PATJ: variants seen among roughly 807,000 people sequenced by gnomAD.
PATJ encodes PATJ crumbs cell polarity complex component.
In PATJ, 190 loss-of-function variants were observed where a neutral mutation model predicts 224.9. That is an observed-to-expected ratio of 0.84 (90% CI 0.75 to 0.95). The LOEUF is 0.95. PATJ is among the 40% of genes least tolerant of loss of function. The pLI is 0.00. For synonymous variants in PATJ, 769 were observed against 820.3 expected (o/e 0.94, Z 1.07); for missense variants, 2,121 against 2,270.3 (o/e 0.93, Z 1.34).
intron 8 of PATJ, among the ~76,000 whole-genome samples, chr1:61,790,481 T>A (rs1649564723): frequency 6.6e-6 from 1 of 151,228 alleles, no homozygotes; most frequent in African/African-American, 2.4e-5. Context: ...GGCTCTCTGC[T>A]TAGCTTCTTC....
chr1:61,774,018 G>C (rs1441366495), intron 6 of PATJ, among the ~76,000 whole-genome samples: 1 of 150,954 alleles, frequency 6.6e-6, no homozygotes, highest in Non-Finnish European at 1.5e-5. Context: ...TACTCGGGAG[G>C]CTGAGGCAGG....
At chr1:61,827,659 A>G in intron 16 of PATJ, 76 bp downstream of exon 16, 1 of 1,390,978 alleles carries the variant, frequency 7.2e-7, no homozygotes, top group Non-Finnish European at 9.7e-7. Context: ...TGCTGCAATA[A>G]GAAGGGAGGG....
At chr1:61,852,139 AAAG>A (rs1310984452) in intron 17 of PATJ, among the ~76,000 whole-genome samples, 1 of 151,410 alleles carries the variant, frequency 6.6e-6, no homozygotes, top group Non-Finnish European at 1.5e-5. Context: ...AAAAAAAAAA[AAAG>A]AGGTGTAGGG....
At chr1:61,807,623 C>G (rs1414736521) in intron 13 of PATJ, among the ~76,000 whole-genome samples, 2 of 152,176 alleles carry the variant, frequency 1.3e-5, no homozygotes, top group African/African-American at 2.4e-5. Flanking sequence ...GTTGTAGCAT[C>G]TTGTACCGAG....
intron 25 of PATJ, among the ~76,000 whole-genome samples, 156 bp from the exon 26 acceptor site, chr1:61,914,431 G>T (rs1211856126): frequency 2.6e-5 from 4 of 152,102 alleles, no homozygotes; most frequent in African/African-American, 9.7e-5. Flanking sequence ...ACTCCAGCCT[G>T]GGTGACAAGA....
At chr1:62,067,630 T>C (rs1032829901) in intron 31 of PATJ, among the ~76,000 whole-genome samples, 6 of 152,152 alleles carry the variant, frequency 3.9e-5, no homozygotes, top group Admixed American at 3.9e-4. Context: ...CTAGATCAAG[T>C]CAACTATGTC....
At chr1:61,777,007 G>C (rs966779951) in intron 7 of PATJ, among the ~76,000 whole-genome samples, 1 of 152,112 alleles carries the variant, frequency 6.6e-6, no homozygotes, top group African/African-American at 2.4e-5. Flanking sequence ...TTACAGGCGT[G>C]AGCCACCGCA....
chr1:61,810,879 G>A (rs1055773266), intron 14 of PATJ, among the ~76,000 whole-genome samples: 18 of 151,936 alleles, frequency 1.2e-4, no homozygotes, highest in Admixed American at 3.9e-4. Context: ...AGCTGAGATC[G>A]CGCCATTGCA....
intron 13 of PATJ, 58 bp from the exon 14 acceptor site, chr1:61,808,416 G>A (rs561224708): frequency 8.1e-6 from 8 of 989,428 alleles, no homozygotes; most frequent in Admixed American, 3.7e-5. Context: ...TTCAGAAAAT[G>A]TAGGAGGAAA....
chr1:62,104,834 G>T (rs1662697189), intron 33 of PATJ, among the ~76,000 whole-genome samples: 1 of 151,974 alleles, frequency 6.6e-6, no homozygotes. Context: ...ACCATGCCTG[G>T]CTAATTTTTG....
At chr1:61,801,327 C>T (rs1396762158) in intron 11 of PATJ, among the ~76,000 whole-genome samples, 2 of 152,118 alleles carry the variant, frequency 1.3e-5, no homozygotes, top group Non-Finnish European at 2.9e-5. Flanking sequence ...TCTCTGATGG[C>T]CAGTGATGGT....
chr1:62,124,980 A>G (rs1182290814), intron 39 of PATJ, among the ~76,000 whole-genome samples: 1 of 152,056 alleles, frequency 6.6e-6, no homozygotes, highest in Non-Finnish European at 1.5e-5. Context: ...TAATCCCAGC[A>G]TTGTGGGAGG....
intron 26 of PATJ, among the ~76,000 whole-genome samples, chr1:61,924,057 A>G (rs928305667): frequency 6.6e-6 from 1 of 151,696 alleles, no homozygotes; most frequent in Non-Finnish European, 1.5e-5. Context: ...CGTAGAGTGA[A>G]AGAATAGGCA....
Position 62,161,017 on chromosome 1 carries a change from A to G in PATJ, c.5612A>G (p.His1871Arg). ...GAGCAAGCAGTCGCCATTCTAAAAC[A>G]CCAGAGAGGGACTGTAACCTTAACT... Reference protein sequence around the residue: ...THEQAVAILKHQRGTVTLTVL... With the variant: ...THEQAVAILKRQRGTVTLTVL... Residue 1871 changes from histidine to arginine, a missense_variant, in exon 44 of 44, where the codon CAC becomes CGC. By Grantham distance (29) the His-to-Arg change is conservative. Coordinates refer to ENST00000642238, the MANE Select transcript of PATJ (RefSeq NM_001350145.3). 2 of 1,603,504 alleles carry G rather than the reference A, an allele frequency of 1.2e-6. No homozygotes were observed. Among genetic ancestry groups the G allele is most frequent in the Non-Finnish European group, 1.7e-6 (2 of 1,175,240 alleles).
intron 27 of PATJ, among the ~76,000 whole-genome samples, chr1:61,940,438 C>T (rs1482586132): frequency 6.6e-5 from 10 of 152,044 alleles, no homozygotes; most frequent in East Asian, 5.8e-4. Flanking sequence ...AAATTCTAGC[C>T]GGGCGCAGTG....
chr1:61,764,437 G>A (rs979599962), intron 3 of PATJ, among the ~76,000 whole-genome samples: 1 of 142,180 alleles, frequency 7.0e-6, no homozygotes, highest in African/African-American at 2.6e-5. Flanking sequence ...TTTTTTTTTG[G>A]TGCTGAGATT....
intron 7 of PATJ, among the ~76,000 whole-genome samples, chr1:61,784,337 C>T (rs57065597): frequency 0.046 from 6,984 of 152,196 alleles, 223 homozygotes; most frequent in East Asian, 0.11. Flanking sequence ...AGGTTATGGA[C>T]GGAAAATGTT....
chr1:61,766,796 T>G, intron 4 of PATJ, among the ~76,000 whole-genome samples: 1 of 152,158 alleles, frequency 6.6e-6, no homozygotes. Context: ...CTATTCTTGT[T>G]AAAATAAGAT....
chr1:61,974,996 G>A (rs1341636646), intron 27 of PATJ, among the ~76,000 whole-genome samples: 1 of 152,016 alleles, frequency 6.6e-6, no homozygotes, highest in Admixed American at 6.6e-5. Context: ...CCAGGCTGGA[G>A]TGCAGTGGCA....
Sources: allele counts gnomAD v4.1 joint callset (sites outside exome capture counted in the v4.1 genomes callset), GRCh38; gene constraint gnomAD v4.1.1; transcripts MANE v1.5; gene names NCBI Gene and HGNC (gene_info 2026-07-23, HGNC 2026-07-21).